The following UBR1 variants were observed in gnomAD, a reference collection of about 807,000 sequenced individuals.
The protein encoded by UBR1 is E3 ubiquitin-protein ligase UBR1.
UBR1 carries 102 observed loss-of-function variants against 242.1 expected under a neutral mutation model. The ratio of observed to expected loss-of-function variants is 0.42; its 90% confidence interval spans 0.36 to 0.50. The LOEUF (loss-of-function observed/expected upper bound fraction) is 0.50. Among genes scored for constraint, UBR1 ranks in the 20% least tolerant of loss-of-function variants. UBR1 has a pLI of 0.01. For missense variants in UBR1, 1,772 were observed against 2,101.8 expected (o/e 0.84, Z 3.07); for synonymous variants, 675 against 684.8 (o/e 0.99, Z 0.22).
At chr15:43,073,495 G>T (rs1233446650) in intron 4 of UBR1, among the ~76,000 whole-genome samples, 1 of 152,144 alleles carries the variant, frequency 6.6e-6, no homozygotes, top group Non-Finnish European at 1.5e-5. Context: ...TAATGAACTA[G>T]AGATACTTGG....
chr15:43,098,363 A>G (rs1447865711), intron 1 of UBR1, among the ~76,000 whole-genome samples: 1 of 152,226 alleles, frequency 6.6e-6, no homozygotes, highest in Non-Finnish European at 1.5e-5. Context: ...AATGTGACAC[A>G]ATGACACGAA....
At chr15:42,963,860 G>C (rs2032061572) in intron 42 of UBR1, 75 bp downstream of exon 42, 5 of 1,192,436 alleles carry the variant, frequency 4.2e-6, no homozygotes, top group Non-Finnish European at 6.2e-6. Flanking sequence ...TGAACTAAAA[G>C]CTTAGCAAGT....
In UBR1 at chr15:42,976,734, A is replaced by G; in HGVS notation, c.4352T>C (p.Leu1451Pro). ...AACCTTACCTGTGTCTACTGTAAGT[A>G]GTATCTGAAGCATGTGTGCCATGGT... ...LITMAHMLQI[L>P]LTVDTGLPLA... The change falls in exon 39 of 47, where the codon CTA becomes CCA. Residue 1451 changes from leucine (L) to proline (P), a missense_variant. Leu to Pro is a moderately conservative substitution (Grantham distance 98). This residue lies in a region of UBR1 where 965 missense variants were observed against 1,079.7 expected (regional missense o/e 0.89). Coordinates refer to ENST00000290650, the MANE Select transcript of UBR1 (RefSeq NM_174916.3). 1 of 1,614,126 alleles carries G rather than the reference A, an allele frequency of 6.2e-7. No homozygotes were observed. The highest frequency in any genetic ancestry group is 2.2e-5 in the East Asian group (1 of 44,856).
At chr15:43,017,868 C>A (rs1388218754) in intron 27 of UBR1, among the ~76,000 whole-genome samples, 3 of 151,750 alleles carry the variant, frequency 2.0e-5, no homozygotes, top group Non-Finnish European at 4.4e-5. Flanking sequence ...GATTACAACA[C>A]CTCTATCAGA....
At chr15:42,987,202 C>T (rs998447724) in intron 35 of UBR1, among the ~76,000 whole-genome samples, 28 of 152,298 alleles carry the variant, frequency 1.8e-4, no homozygotes, top group African/African-American at 6.0e-4. Flanking sequence ...GGGGCAGAGC[C>T]GGGATGGGCC....
At chr15:43,006,986 C>A in intron 30 of UBR1, 93 bp downstream of exon 30, 1 of 1,207,262 alleles carries the variant, frequency 8.3e-7, no homozygotes, top group South Asian at 1.3e-5. Flanking sequence ...GATATATAAC[C>A]CTTATTTCCA....
At chr15:43,073,209 A>G (rs1306134647) in intron 4 of UBR1, among the ~76,000 whole-genome samples, 3 of 152,182 alleles carry the variant, frequency 2.0e-5, no homozygotes, top group African/African-American at 7.2e-5. Flanking sequence ...TCACTTCATT[A>G]TTAATGATGA....
intron 29 of UBR1, among the ~76,000 whole-genome samples, chr15:43,012,340 C>T (rs934116516): frequency 2.6e-5 from 4 of 151,846 alleles, no homozygotes; most frequent in Non-Finnish European, 4.4e-5. Context: ...AAAGAAAAAC[C>T]ACTAGAAAAC....
At position 43,025,296 on chromosome 15, in the gene UBR1, A is replaced by G. The variant is rs1237874073; in HGVS notation, c.2584+85T>C. Reference sequence around the variant, plus strand: ...CTTGAGTTGCCCACTCTCAAAAACCAACAACAACAAAAAACTATATGCTTT... The same window carrying G: ...CTTGAGTTGCCCACTCTCAAAAACCGACAACAACAAAAAACTATATGCTTT... On this transcript the variant is annotated intron_variant, in intron 24 of 46. Coordinates refer to ENST00000290650, the MANE Select transcript of UBR1 (RefSeq NM_174916.3). 2.2e-6 allele frequency: 3 copies of G among 1,391,906 alleles called. No homozygotes were observed. In the East Asian group the frequency reaches 7.2e-5, roughly 33 times the overall value. 86.2% of individuals were successfully genotyped at this position (1,391,906 alleles called of 1,614,324 possible). A position where few individuals can be genotyped will look rare whatever the true frequency, so the allele number is the denominator to read the frequency against.
At chr15:43,027,191 TC>T (rs1203823782) in intron 22 of UBR1, among the ~76,000 whole-genome samples, 8 of 152,104 alleles carry the variant, frequency 5.3e-5, no homozygotes, top group African/African-American at 1.7e-4. Context: ...TTGGTTTCTA[TC>T]CAATCTCTAA....
intron 46 of UBR1, among the ~76,000 whole-genome samples, chr15:42,947,561 A>G (rs1325898240): frequency 6.6e-6 from 1 of 152,112 alleles, no homozygotes; most frequent in Admixed American, 6.6e-5. Flanking sequence ...AAATCTCCTT[A>G]AGCTGATAAG....
intron 5 of UBR1, 38 bp downstream of exon 5, chr15:43,070,757 C>T: frequency 6.2e-7 from 1 of 1,609,872 alleles, no homozygotes; most frequent in South Asian, 1.1e-5. Context: ...TACAAATAAC[C>T]ATCACTAAAA....
At chr15:43,074,187 G>A (rs906651620) in intron 4 of UBR1, among the ~76,000 whole-genome samples, 2 of 152,016 alleles carry the variant, frequency 1.3e-5, no homozygotes, top group Non-Finnish European at 2.9e-5. Context: ...TATAATCCTC[G>A]TGATTCCTTC....
At chr15:43,042,010 T>TG (rs1205370803) in intron 15 of UBR1, among the ~76,000 whole-genome samples, 3 of 151,800 alleles carry the variant, frequency 2.0e-5, no homozygotes, top group Non-Finnish European at 4.4e-5. Context: ...GGTTATTATC[T>TG]GGGGGGGAAA....
chr15:42,971,943 C>T (rs2032213616), intron 39 of UBR1, among the ~76,000 whole-genome samples: 1 of 152,168 alleles, frequency 6.6e-6, no homozygotes, highest in South Asian at 2.1e-4. Flanking sequence ...TCTATGCACA[C>T]ACAACATCCC....
At position 43,086,180 on chromosome 15, in the gene UBR1, G is replaced by A. The variant is rs2034033429; in HGVS notation, c.142C>T (p.Pro48Ser). 6.2e-7 allele frequency: 1 copy of A among 1,613,712 alleles called. No individual in the cohort carries two copies. Among genetic ancestry groups the A allele is most frequent in the African/African-American group, 1.3e-5 (1 of 74,820 alleles). The change falls in exon 2 of 47, where the codon CCA becomes TCA. Residue 48 changes from proline (P) to serine (S), a missense_variant. By Grantham distance (74) the Pro-to-Ser change is moderately conservative. Transcript: ENST00000290650. ...AFLHHLAQLV[P>S]EIYFAEMDPD... is the part of the protein sequence containing the mutation. ...TCCATTTCAGCAAAGTAAATTTCTGGCACCAATTGTGCCAAATGATGCAAG... is the reference window on the plus strand; with the variant it reads ...TCCATTTCAGCAAAGTAAATTTCTGACACCAATTGTGCCAAATGATGCAAG...
intron 24 of UBR1, 62 bp from the exon 25 acceptor site, chr15:43,025,045 C>T: frequency 1.3e-6 from 2 of 1,594,294 alleles, no homozygotes; most frequent in Non-Finnish European, 1.7e-6. Flanking sequence ...TTTGGGTTAT[C>T]CTACATACTA....
rs2141375788 is a variant in UBR1, at chr15:43,104,661, T to C, written c.81+1281A>G. 1.3e-5 allele frequency among the ~76,000 whole-genome samples: 2 copies of C among 151,876 alleles called. 1 individual carries two copies. Among genetic ancestry groups the C allele is most frequent in the South Asian group, 4.2e-4 (2 of 4,814 alleles). On this transcript the variant is annotated intron_variant, in intron 1 of 46. Coordinates refer to ENST00000290650, the MANE Select transcript of UBR1 (RefSeq NM_174916.3). ...TGCCGTAGCTCCCTCTGTAGTTCCC[T>C]CTGTTCTCGCATAAAACAATGTTCA... is the stretch of plus-strand genomic sequence containing the variant.
intron 1 of UBR1, among the ~76,000 whole-genome samples, chr15:43,095,757 G>A (rs1264332930): frequency 6.6e-6 from 1 of 152,204 alleles, no homozygotes; most frequent in African/African-American, 2.4e-5. Flanking sequence ...ACAGAGCACA[G>A]CATATGCTTA....
Sources: gnomAD v4.1 joint callset for allele counts (sites outside exome capture counted in the v4.1 genomes callset) on GRCh38, gnomAD v4.1.1 for gene constraint, gnomAD v4.1.1 regional missense constraint, MANE v1.5 for transcripts, NCBI Gene and HGNC (gene_info 2026-07-23, HGNC 2026-07-21) for gene names.